FOSL2: variants seen among roughly 807,000 people sequenced by gnomAD.
The protein encoded by FOSL2 is FOS like 2, AP-1 transcription factor subunit.
FOSL2 carries 3 observed loss-of-function variants against 27.7 expected under a neutral mutation model. The ratio of observed to expected loss-of-function variants is 0.11; its 90% CI spans 0.05 to 0.28. The LOEUF (loss-of-function observed/expected upper bound fraction) is 0.28. FOSL2 is among the 10% of genes least tolerant of loss of function. The pLI, the probability that FOSL2 is intolerant of heterozygous loss-of-function variation, is 1.00. For missense variants in FOSL2, 333 were observed against 445.1 expected, an observed-to-expected ratio of 0.75 and a Z score of 2.27; for synonymous variants, 179 against 190.1, an observed-to-expected ratio of 0.94 and a Z score of 0.48.
chr2:28,406,795 C>T lies in FOSL2; in HGVS notation c.355-1964C>T, dbSNP rs774474796. Among the ~76,000 whole-genome samples, 10 of 152,344 alleles carry T rather than the reference C, an allele frequency of 6.6e-5. No homozygotes were observed. In the East Asian group the frequency reaches 7.7e-4, roughly 12 times the overall value. On this transcript the variant is annotated intron_variant, in intron 2 of 3. Transcript: ENST00000264716. ...CAGGGCTTTGCTCTGAAGCTTACTC[C>T]GGCCGTCCCCAGCCTCCCCCAGCCT... is the stretch of plus-strand genomic sequence containing the variant.
Position 28,408,307 on chromosome 2 carries a change from AG to A in FOSL2, c.355-450del, listed in dbSNP as rs1360004023. Among the ~76,000 whole-genome samples the A allele has an allele frequency of 6.6e-6, 1 of 152,222 alleles. No homozygotes were observed. On this transcript the variant is annotated intron_variant, in intron 2 of 3. Transcript: ENST00000264716. This position sits in a 1 kb window ranked among gnomAD's most constrained non-coding sequence, Gnocchi z 4.1. ...ATGGGGATAATGAGGCTTGCAGAGC[AG>A]GCAGAGTGATGGGAGGAGAAATTAG...
rs1325186057 is a variant in FOSL2, at chr2:28,416,645, T to G, written c.*4197T>G. On this transcript the variant is annotated 3_prime_UTR_variant, in exon 4 of 4. Coordinates refer to ENST00000264716, the MANE Select transcript of FOSL2 (RefSeq NM_005253.4). ...AACACAGTGGAAGATCCTGTCCTGATTCTCAAAAATTATTTTCTCTGTATG... is the reference window on the plus strand; with the variant it reads ...AACACAGTGGAAGATCCTGTCCTGAGTCTCAAAAATTATTTTCTCTGTATG... 1 of 152,190 alleles carries G rather than the reference T, an allele frequency of 6.6e-6. No homozygotes were observed. Among genetic ancestry groups the G allele is most frequent in the East Asian group, 1.9e-4 (1 of 5,194 alleles). 9.4% of individuals were successfully genotyped at this position (152,190 alleles called of 1,614,324 possible).
chr2:28,409,485 C>A (rs1459982010), intron 3 of FOSL2, among the ~76,000 whole-genome samples: 1 of 152,208 alleles, frequency 6.6e-6, no homozygotes, highest in African/African-American at 2.4e-5. Flanking sequence ...TCCCGTGCCG[C>A]CTAATTGCCC....
At chr2:28,406,861 C>T (rs1664094202) in intron 2 of FOSL2, among the ~76,000 whole-genome samples, 2 of 152,218 alleles carry the variant, frequency 1.3e-5, no homozygotes, top group South Asian at 4.1e-4. Flanking sequence ...CGGCCTGGTG[C>T]CTCATAGGCC....
chr2:28,409,779 C>T (rs997308838), intron 3 of FOSL2, among the ~76,000 whole-genome samples: 24 of 152,130 alleles, frequency 1.6e-4, no homozygotes, highest in Admixed American at 2.0e-4. Flanking sequence ...TCGCTCTTGT[C>T]GCCCAGGCTG....
At position 28,414,178 on chromosome 2, in the gene FOSL2, A is replaced by C; in HGVS notation, c.*1730A>C. 4.6e-6 allele frequency: 1 copy of C among 216,714 alleles called. No individual in the cohort carries two copies. The allele number at this position is 216,714 out of a possible 1,614,324, so 13.4% of individuals were successfully genotyped here. A position where few individuals can be genotyped will look rare whatever the true frequency, so the allele number is the denominator to read the frequency against. On this transcript the variant is annotated 3_prime_UTR_variant, in exon 4 of 4. Coordinates refer to ENST00000264716, the MANE Select transcript of FOSL2 (RefSeq NM_005253.4). ...TATCCTCGTTTGAAAGATAATTAAG[A>C]TCCCCCGTGGAGAAAGCAGTGACAC...
At chr2:28,398,487 C>T (rs534341783) in intron 1 of FOSL2, among the ~76,000 whole-genome samples, 23 of 152,328 alleles carry the variant, frequency 1.5e-4, no homozygotes, top group Non-Finnish European at 8.8e-5. Flanking sequence ...CCAAAGGGGC[C>T]CACACACTAG....
chr2:28,411,660 G>A (rs1318820926), intron 3 of FOSL2, among the ~76,000 whole-genome samples: 1 of 152,200 alleles, frequency 6.6e-6, no homozygotes, highest in East Asian at 1.9e-4. Flanking sequence ...TCTCTGAAAT[G>A]CTTAACACTG....
chr2:28,394,337 C>T (rs1282654565), intron 1 of FOSL2, among the ~76,000 whole-genome samples: 1 of 152,138 alleles, frequency 6.6e-6, no homozygotes, highest in African/African-American at 2.4e-5. Flanking sequence ...TGGACTCCTT[C>T]AAGTAATCTG....
intron 1 of FOSL2, among the ~76,000 whole-genome samples, chr2:28,402,826 G>T (rs1273400944): frequency 6.6e-6 from 1 of 152,198 alleles, no homozygotes; most frequent in Non-Finnish European, 1.5e-5. Flanking sequence ...TCCTGACCCC[G>T]CTGCTTATTA....
At chr2:28,397,537 G>T (rs773733539) in intron 1 of FOSL2, among the ~76,000 whole-genome samples, 13 of 152,194 alleles carry the variant, frequency 8.5e-5, no homozygotes, top group Non-Finnish European at 1.5e-4. Flanking sequence ...TGAAATAGCA[G>T]TCATGTATTG....
rs766961451 is a variant in FOSL2 at position 28,412,237 on chromosome 2, G to A, written c.770G>A (p.Gly257Asp). ...KPISIAGGFY[G>D]EEPLHTPIVV... is the part of the protein sequence containing the mutation. ...ATCAGCATTGCTGGGGGCTTCTACG[G>A]TGAGGAGCCCCTGCACACCCCCATC... Residue 257 changes from glycine to aspartate, a missense_variant, in exon 4 of 4, where the codon GGT becomes GAT. By Grantham distance (94) the Gly-to-Asp change is moderately conservative (BLOSUM62 -1). This residue lies in a region of FOSL2 where 136 missense variants were observed against 123.7 expected (regional missense o/e 1.10). Coordinates refer to ENST00000264716, the MANE Select transcript of FOSL2 (RefSeq NM_005253.4). The surrounding 1 kb of genome is among the most constrained non-coding windows in gnomAD (Gnocchi z 7.1). 1 of 1,613,850 alleles carries A rather than the reference G, an allele frequency of 6.2e-7. No homozygotes were observed. Among genetic ancestry groups the A allele is most frequent in the East Asian group, 2.2e-5 (1 of 44,854 alleles).
At position 28,412,508 on chromosome 2, in the gene FOSL2, A is replaced by G; in HGVS notation, c.*60A>G. Reference sequence around the variant, plus strand: ...TCCTCCTCGCTCCTCCTTCCCAGGGACCAGCACCTTCAAGCGCTCCAGGGC... The same window carrying G: ...TCCTCCTCGCTCCTCCTTCCCAGGGGCCAGCACCTTCAAGCGCTCCAGGGC... On this transcript the variant is annotated 3_prime_UTR_variant, in exon 4 of 4. Coordinates refer to ENST00000264716, the MANE Select transcript of FOSL2 (RefSeq NM_005253.4). This position sits in a 1 kb window ranked among gnomAD's most constrained non-coding sequence, Gnocchi z 7.1. 1 of 1,558,280 alleles carries G rather than the reference A, an allele frequency of 6.4e-7. No individual in the cohort carries two copies. Among genetic ancestry groups the G allele is most frequent in the Non-Finnish European group, 8.7e-7 (1 of 1,155,046 alleles).
rs1273356671 is a variant in FOSL2, at chr2:28,412,534, C to T, written c.*86C>T. The T allele has an allele frequency of 2.1e-5, 31 of 1,488,960 alleles. No homozygotes were observed. Among genetic ancestry groups the T allele is most frequent in the African/African-American group, 4.1e-5 (3 of 72,452 alleles). The allele number at this position is 1,488,960 out of a possible 1,614,324, so 92.2% of individuals were successfully genotyped here. A position where few individuals can be genotyped will look rare whatever the true frequency, so the allele number is the denominator to read the frequency against. ...CCAGCACCTTCAAGCGCTCCAGGGC[C>T]GTGAGGGCAAGAGGGGGACCTGCCA... is the stretch of plus-strand genomic sequence containing the variant. On this transcript the variant is annotated 3_prime_UTR_variant, in exon 4 of 4. Coordinates refer to ENST00000264716, the MANE Select transcript of FOSL2 (RefSeq NM_005253.4). The surrounding 1 kb of genome is among the most constrained non-coding windows in gnomAD (Gnocchi z 7.1).
At chr2:28,398,421 A>T (rs1316542407) in intron 1 of FOSL2, among the ~76,000 whole-genome samples, 1 of 152,110 alleles carries the variant, frequency 6.6e-6, no homozygotes, top group Non-Finnish European at 1.5e-5. Context: ...TTAATGGAGG[A>T]TGAGAGGACG....
At chr2:28,402,034 A>C (rs946093325) in intron 1 of FOSL2, among the ~76,000 whole-genome samples, 1 of 152,208 alleles carries the variant, frequency 6.6e-6, no homozygotes, top group East Asian at 1.9e-4. Flanking sequence ...AATGCATTGT[A>C]CTGGGTAACT....
intron 1 of FOSL2, among the ~76,000 whole-genome samples, chr2:28,400,862 G>A (rs1243131821): frequency 6.6e-6 from 1 of 152,206 alleles, no homozygotes; most frequent in Non-Finnish European, 1.5e-5. Flanking sequence ...TTGTCCCTCA[G>A]CTTTGCTTCA....
intron 1 of FOSL2, among the ~76,000 whole-genome samples, chr2:28,399,931 T>C (rs941454077): frequency 6.6e-6 from 1 of 152,192 alleles, no homozygotes; most frequent in African/African-American, 2.4e-5. Context: ...AAGCCTAAAA[T>C]ATTTGCTGTC....
At chr2:28,399,596 C>T (rs1464591278) in intron 1 of FOSL2, among the ~76,000 whole-genome samples, 1 of 152,176 alleles carries the variant, frequency 6.6e-6, no homozygotes, top group African/African-American at 2.4e-5. Context: ...CCAAAGACCA[C>T]AAGGCTTGTA....
Sources: allele counts gnomAD v4.1 joint callset (sites outside exome capture counted in the v4.1 genomes callset), GRCh38; gene constraint gnomAD v4.1.1; regional missense constraint gnomAD v4.1.1; non-coding constraint Gnocchi (gnomAD v3.1); transcripts MANE v1.5; gene names NCBI Gene and HGNC (gene_info 2026-07-23, HGNC 2026-07-21).